Variants in DCLK2 observed in about 807,000 individuals in gnomAD.
The protein encoded by DCLK2 is serine/threonine-protein kinase DCLK2.
Under a neutral mutation model 78.4 loss-of-function variants are expected in DCLK2, and 31 were observed. The ratio of observed to expected loss-of-function variants is 0.40; its 90% CI spans 0.30 to 0.53. The LOEUF is 0.53. Ranked by LOEUF, DCLK2 falls within the 20% of genes least tolerant of loss-of-function variation. The pLI is 0.61. For missense variants in DCLK2, 872 were observed against 973.7 expected (o/e 0.90, Z 1.39); for synonymous variants, 407 against 374.9 (o/e 1.09, Z -0.99).
At chr4:150,185,570 C>T (rs775134823) in intron 2 of DCLK2, among the ~76,000 whole-genome samples, 5 of 152,050 alleles carry the variant, frequency 3.3e-5, no homozygotes, top group Admixed American at 1.3e-4. Context: ...AAGAATTAGC[C>T]GGACGTGGTG....
At chr4:150,144,484 C>T (rs549065529) in intron 2 of DCLK2, among the ~76,000 whole-genome samples, 2 of 152,246 alleles carry the variant, frequency 1.3e-5, no homozygotes, top group Admixed American at 6.5e-5. Flanking sequence ...TTACTATAGT[C>T]TTGTGGTATC....
At chr4:150,186,924 G>GTGTC (rs1482653713) in intron 2 of DCLK2, among the ~76,000 whole-genome samples, 1 of 150,118 alleles carries the variant, frequency 6.7e-6, no homozygotes, top group Admixed American at 6.6e-5. Flanking sequence ...GTGTGTGTGT[G>GTGTC]TGTGTAGTCT....
At chr4:150,197,166 A>G (rs1268924204) in intron 3 of DCLK2, among the ~76,000 whole-genome samples, 2 of 152,124 alleles carry the variant, frequency 1.3e-5, no homozygotes, top group Non-Finnish European at 2.9e-5. Flanking sequence ...AAAAAAAAAA[A>G]AAAGAGAGAG....
At chr4:150,105,490 A>T (rs952952185) in intron 2 of DCLK2, among the ~76,000 whole-genome samples, 11 of 152,118 alleles carry the variant, frequency 7.2e-5, no homozygotes, top group African/African-American at 2.7e-4. Context: ...GTGTTTTTGA[A>T]TATGCAGTGA....
intron 2 of DCLK2, among the ~76,000 whole-genome samples, chr4:150,155,287 A>T (rs1481271397): frequency 6.6e-6 from 1 of 152,212 alleles, no homozygotes; most frequent in East Asian, 1.9e-4. Flanking sequence ...TGAATTCAGA[A>T]GGTTGAACTC....
intron 8 of DCLK2, 33 bp downstream of exon 8, chr4:150,224,591 A>C: frequency 2.6e-6 from 4 of 1,565,014 alleles, no homozygotes; most frequent in Non-Finnish European, 3.5e-6. Context: ...TTCTGAAAGA[A>C]ACTAGAGTAA....
rs368363454 is a variant in DCLK2 at position 150,249,679 on chromosome 4, A to G, written c.2068A>G (p.Ile690Val). ...QNSTTTGVSVIMNTALDKEGQ... is the reference protein window; with the variant it reads ...QNSTTTGVSVVMNTALDKEGQ... ...CAGCACTACCACCGGGGTCTCCGTCATCATGGTGAGTGGAAGGCGGCAGGT... is the reference window on the plus strand; with the variant it reads ...CAGCACTACCACCGGGGTCTCCGTCGTCATGGTGAGTGGAAGGCGGCAGGT... The change falls in exon 15 of 16, where the codon ATC becomes GTC. Residue 690 changes from isoleucine to valine, a missense_variant. Around this residue, in one of 3 missense-constraint regions of DCLK2, gnomAD observed 219 missense variants for 230.1 expected, o/e 0.95. Coordinates refer to ENST00000296550, the MANE Select transcript of DCLK2 (RefSeq NM_001040260.4). The G allele has an allele frequency of 4.3e-5, 69 of 1,613,050 alleles. No individual in the cohort carries two copies. The highest frequency in any genetic ancestry group is 5.7e-5 in the Non-Finnish European group (67 of 1,179,546).
chr4:150,112,349 A>G (rs1405294755), intron 2 of DCLK2, among the ~76,000 whole-genome samples: 2 of 152,208 alleles, frequency 1.3e-5, no homozygotes, highest in African/African-American at 4.8e-5. Flanking sequence ...TTAGGAGCAG[A>G]GAAATCTTTA....
chr4:150,130,754 C>G (rs73860926), intron 2 of DCLK2, among the ~76,000 whole-genome samples: 3,699 of 152,124 alleles, frequency 0.024, 175 homozygotes, highest in African/African-American at 0.083. Flanking sequence ...TAGATGTGAT[C>G]TAGACTAGCA....
intron 2 of DCLK2, among the ~76,000 whole-genome samples, chr4:150,112,679 A>T (rs189627363): frequency 1.6e-3 from 237 of 151,946 alleles, no homozygotes; most frequent in African/African-American, 4.2e-3. Flanking sequence ...CTTTTTCTGC[A>T]TCGATTGAGA....
chr4:150,199,454 C>G (rs910814621), intron 4 of DCLK2, among the ~76,000 whole-genome samples: 1 of 152,226 alleles, frequency 6.6e-6, no homozygotes, highest in Admixed American at 6.5e-5. Context: ...TGCTCACCCC[C>G]TCCCCACCCT....
rs1560851166 is a variant in DCLK2, at chr4:150,190,294, GATAGGCAGA to G, written c.757-2843_757-2835del. Among the ~76,000 whole-genome samples the G allele has an allele frequency of 2.6e-3, 381 of 144,172 alleles. 3 individuals are homozygous for G. Among genetic ancestry groups the G allele is most frequent in the African/African-American group, 0.011 (363 of 34,510 alleles). The allele number at this position is 144,172 out of a possible 152,430, so 94.6% of individuals were successfully genotyped here. A position where few individuals can be genotyped will look rare whatever the true frequency, so the allele number is the denominator to read the frequency against. ...AGATAGATAGATAGATAGATAGATA[GATAGGCAGA>G]CAGACAGACAGACGGACGGATAGAT... On this transcript the variant is annotated intron_variant, in intron 2 of 15. Coordinates refer to ENST00000296550, the MANE Select transcript of DCLK2 (RefSeq NM_001040260.4).
chr4:150,184,908 T>C (rs1252430329), intron 2 of DCLK2, among the ~76,000 whole-genome samples: 1 of 152,162 alleles, frequency 6.6e-6, no homozygotes, highest in Non-Finnish European at 1.5e-5. Flanking sequence ...GCCAGTCTTA[T>C]GTTTCTTACT....
At chr4:150,138,689 T>C (rs1359662526) in intron 2 of DCLK2, among the ~76,000 whole-genome samples, 2 of 151,958 alleles carry the variant, frequency 1.3e-5, no homozygotes, top group African/African-American at 4.8e-5. Flanking sequence ...TTTTTTGAGA[T>C]GGAGTCTCAC....
intron 2 of DCLK2, among the ~76,000 whole-genome samples, chr4:150,163,881 T>G (rs918016244): frequency 4.6e-5 from 7 of 152,218 alleles, no homozygotes; most frequent in African/African-American, 1.7e-4. Flanking sequence ...TTAGTTATTT[T>G]ATTTATAATT....
intron 14 of DCLK2, 30 bp from the exon 15 acceptor site, chr4:150,249,538 C>T: frequency 6.3e-7 from 1 of 1,586,934 alleles, no homozygotes; most frequent in Non-Finnish European, 8.7e-7. Flanking sequence ...ATGGAAAAAG[C>T]ATTGTATTTG....
chr4:150,196,643 A>G (rs1189939942), intron 3 of DCLK2, among the ~76,000 whole-genome samples: 1 of 146,816 alleles, frequency 6.8e-6, no homozygotes, highest in East Asian at 2.0e-4. Context: ...TGTAAATTTT[A>G]TTCTTATCCC....
intron 2 of DCLK2, among the ~76,000 whole-genome samples, chr4:150,146,385 C>T (rs1381305405): frequency 6.6e-6 from 1 of 152,178 alleles, no homozygotes; most frequent in African/African-American, 2.4e-5. Flanking sequence ...ATTTCAGATT[C>T]AGTGCTTTAG....
At chr4:150,212,458 G>A (rs1266865669) in intron 5 of DCLK2, among the ~76,000 whole-genome samples, 1 of 152,160 alleles carries the variant, frequency 6.6e-6, no homozygotes, top group Non-Finnish European at 1.5e-5. Flanking sequence ...CTTTTCTTTT[G>A]TAATTAAGAC....
Sources: allele counts gnomAD v4.1 joint callset (sites outside exome capture counted in the v4.1 genomes callset), GRCh38; gene constraint gnomAD v4.1.1; regional missense constraint gnomAD v4.1.1; transcripts MANE v1.5; gene names NCBI Gene and HGNC (gene_info 2026-07-23, HGNC 2026-07-21).